The following CYP2C19 variants were observed in gnomAD, a reference collection of about 807,000 sequenced individuals.
The protein encoded by CYP2C19 is cytochrome P450 family 2 subfamily C member 19.
In CYP2C19, 59 loss-of-function variants were observed where a neutral mutation model predicts 40.9. That is an observed-to-expected ratio of 1.44 (90% CI 1.17 to 1.79). The LOEUF is 1.79. CYP2C19 is among the 40% of genes most tolerant of loss of function. CYP2C19 has a pLI of 0.00. For missense variants in CYP2C19, 754 were observed against 596.9 expected (o/e 1.26, Z -2.74); for synonymous variants, 253 against 208.7 (o/e 1.21, Z -1.83).
In CYP2C19 at chr10:94,853,353, G is replaced by A. The variant is rs1002072182; in HGVS notation, c.*439G>A. The A allele has an allele frequency of 2.5e-5, 10 of 399,330 alleles. No individual in the cohort carries two copies. The highest frequency in any genetic ancestry group is 3.6e-4 in the Middle Eastern group (1 of 2,762). The allele number at this position is 399,330 out of a possible 1,614,324, so 24.7% of individuals were successfully genotyped here. A position where few individuals can be genotyped will look rare whatever the true frequency, so the allele number is the denominator to read the frequency against. On this transcript the variant is annotated 3_prime_UTR_variant, in exon 9 of 9. Transcript: ENST00000371321. ...AGGAGGCCATGCTGGTTCTCAAAAC[G>A]ATAAGGACAGAAAGGACAAAGGTGA... is the stretch of plus-strand genomic sequence containing the variant.
intron 2 of CYP2C19, 81 bp downstream of exon 2, chr10:94,775,301 G>T: frequency 1.2e-6 from 2 of 1,612,544 alleles, no homozygotes; most frequent in Admixed American, 1.7e-5. Flanking sequence ...TTCTCGGGCA[G>T]AGCTTGGCCC....
chr10:94,803,920 C>T (rs931087408), intron 5 of CYP2C19, among the ~76,000 whole-genome samples: 2 of 151,978 alleles, frequency 1.3e-5, no homozygotes, highest in Admixed American at 6.6e-5. Context: ...GAGAGGGCCC[C>T]CTTGCACCAT....
chr10:94,799,214 T>G (rs1339871423), intron 5 of CYP2C19, among the ~76,000 whole-genome samples: 4 of 152,162 alleles, frequency 2.6e-5, no homozygotes, highest in Non-Finnish European at 5.9e-5. Context: ...ACAAAATCTC[T>G]CAGCATTTGC....
At chr10:94,802,345 T>C (rs899144484) in intron 5 of CYP2C19, among the ~76,000 whole-genome samples, 4 of 152,282 alleles carry the variant, frequency 2.6e-5, no homozygotes, top group African/African-American at 9.6e-5. Context: ...GTAGTGGCCT[T>C]CTTTGTCTCT....
intron 5 of CYP2C19, among the ~76,000 whole-genome samples, chr10:94,813,384 C>T (rs987683687): frequency 6.6e-6 from 1 of 151,884 alleles, no homozygotes; most frequent in Non-Finnish European, 1.5e-5. Flanking sequence ...CACCCACTGC[C>T]ACCCCTTCTT....
chr10:94,796,522 T>A (rs1018787857), intron 5 of CYP2C19, among the ~76,000 whole-genome samples: 2 of 152,160 alleles, frequency 1.3e-5, no homozygotes, highest in African/African-American at 4.8e-5. Context: ...CTTTTTCCAA[T>A]TCTGTGAAGA....
chr10:94,809,867 T>C (rs891297623), intron 5 of CYP2C19, among the ~76,000 whole-genome samples: 1 of 151,990 alleles, frequency 6.6e-6, no homozygotes, highest in Non-Finnish European at 1.5e-5. Context: ...TGGATTATGT[T>C]TGTGTGTGTT....
At position 94,853,457 on chromosome 10, in the gene CYP2C19, T is replaced by C. The variant is rs1214174295; in HGVS notation, c.*543T>C. ...AGGATTGGATTTGAAAGTGAGAAACTGTGTCCAGGAGCAGCTCCAACCTCT... is the reference window on the plus strand; with the variant it reads ...AGGATTGGATTTGAAAGTGAGAAACCGTGTCCAGGAGCAGCTCCAACCTCT... On this transcript the variant is annotated 3_prime_UTR_variant, in exon 9 of 9. Transcript: ENST00000371321. Among the ~76,000 whole-genome samples the C allele has an allele frequency of 6.6e-6, 1 of 151,978 alleles. No individual in the cohort carries two copies. Among genetic ancestry groups the C allele is most frequent in the African/African-American group, 2.4e-5 (1 of 41,354 alleles).
In CYP2C19 at chr10:94,762,686, A is replaced by C. The variant is rs1848186010; in HGVS notation, c.-20A>C. ...TGGAGTGCAAGCTCACGGTTGTCTT[A>C]ACAAGAGGAGAAGGCTTCAATGGAT... On this transcript the variant is annotated 5_prime_UTR_variant, in exon 1 of 9. Coordinates refer to ENST00000371321, the MANE Select transcript of CYP2C19 (RefSeq NM_000769.4). The C allele has an allele frequency of 6.2e-7, 1 of 1,611,572 alleles. No individual in the cohort carries two copies. Among genetic ancestry groups the C allele is most frequent in the African/African-American group, 1.3e-5 (1 of 74,872 alleles).
chr10:94,839,989 TA>T (rs1298600619), intron 6 of CYP2C19, among the ~76,000 whole-genome samples: 9 of 152,112 alleles, frequency 5.9e-5, no homozygotes, highest in Admixed American at 2.0e-4. Context: ...TGCTTTTTTT[TA>T]TTTTTTTTTG....
At chr10:94,847,454 T>C (rs998914016) in intron 7 of CYP2C19, among the ~76,000 whole-genome samples, 2 of 152,144 alleles carry the variant, frequency 1.3e-5, no homozygotes, top group East Asian at 1.9e-4. Flanking sequence ...ATATGTGCCA[T>C]ATTTTCTTAA....
chr10:94,820,604 C>G lies in CYP2C19; in HGVS notation c.928C>G (p.Leu310Val). The stretch of plus-strand genomic sequence containing the variant: ...AACAAGCACAACCCTGAGATATGCT[C>G]TCCTTCTCCTGCTGAAGCACCCAGA... ...ETTSTTLRYA[L>V]LLLLKHPEVT... Residue 310 changes from leucine (L) to valine (V), a missense_variant, in exon 6 of 9, where the codon CTC becomes GTC. Transcript: ENST00000371321. 1 of 1,614,192 alleles carries G rather than the reference C, an allele frequency of 6.2e-7. No homozygotes were observed. The highest frequency in any genetic ancestry group is 8.5e-7 in the Non-Finnish European group (1 of 1,180,038).
Position 94,842,969 on chromosome 10 carries a change from G to C in CYP2C19, c.1094G>C (p.Ser365Thr), listed in dbSNP as rs1384476546. The stretch of plus-strand genomic sequence containing the variant: ...AGATACATCGACCTCATCCCCACCA[G>C]CCTGCCCCATGCAGTGACCTGTGAC... ...VQRYIDLIPT[S>T]LPHAVTCDVK... The change falls in exon 7 of 9, where the codon AGC (serine) becomes ACC (threonine). Residue 365 changes from serine to threonine, a missense_variant. Transcript: ENST00000371321. 20 of 1,614,064 alleles carry C rather than the reference G, an allele frequency of 1.2e-5. No individual in the cohort carries two copies. The Admixed American group carries it at 3.0e-4, about 24-fold the overall frequency.
Position 94,775,133 on chromosome 10 carries a change from G to A in CYP2C19, c.244G>A (p.Val82Met), listed in dbSNP as rs1175482704. 4 of 1,613,992 alleles carry A rather than the reference G, an allele frequency of 2.5e-6. No homozygotes were observed. Among genetic ancestry groups the A allele is most frequent in the African/African-American group, 2.7e-5 (2 of 74,934 alleles). The change falls in exon 2 of 9, where the codon GTG becomes ATG. Residue 82 changes from valine to methionine, a missense_variant. Val to Met is a conservative substitution (Grantham distance 21). Coordinates refer to ENST00000371321, the MANE Select transcript of CYP2C19 (RefSeq NM_000769.4). The stretch of plus-strand genomic sequence containing the variant: ...CATGGTGGTGCTGCATGGATATGAA[G>A]TGGTGAAGGAAGCCCTGATTGATCT... Reference protein sequence around the residue: ...ERMVVLHGYEVVKEALIDLGE... With the variant: ...ERMVVLHGYEMVKEALIDLGE...
At chr10:94,766,200 C>T (rs1848240459) in intron 1 of CYP2C19, among the ~76,000 whole-genome samples, 1 of 145,976 alleles carries the variant, frequency 6.9e-6, no homozygotes, top group Non-Finnish European at 1.5e-5. Context: ...AGATACAAAG[C>T]CAACAGTCAT....
chr10:94,843,828 T>A (rs1244702985), intron 7 of CYP2C19, among the ~76,000 whole-genome samples: 1 of 152,230 alleles, frequency 6.6e-6, no homozygotes, highest in Non-Finnish European at 1.5e-5. Context: ...GTGGGCATCC[T>A]TGTTTCTCAT....
chr10:94,849,207 G>C (rs1004119431), intron 7 of CYP2C19, among the ~76,000 whole-genome samples: 1 of 152,134 alleles, frequency 6.6e-6, no homozygotes, highest in Admixed American at 6.6e-5. Context: ...TGATGAAATA[G>C]AGCAGCAGGA....
chr10:94,792,044 C>T (rs1848611706), intron 5 of CYP2C19, among the ~76,000 whole-genome samples: 2 of 152,102 alleles, frequency 1.3e-5, no homozygotes, highest in Non-Finnish European at 2.9e-5. Context: ...AATCTGGGTG[C>T]TCCTGTATTG....
chr10:94,829,658 C>G, intron 6 of CYP2C19, among the ~76,000 whole-genome samples: 1 of 152,216 alleles, frequency 6.6e-6, no homozygotes, highest in East Asian at 1.9e-4. Context: ...CTCAGCTCAT[C>G]AAAGTCATTC....
Sources: gnomAD v4.1 joint callset for allele counts (sites outside exome capture counted in the v4.1 genomes callset) on GRCh38, gnomAD v4.1.1 for gene constraint, MANE v1.5 for transcripts, NCBI Gene and HGNC (gene_info 2026-07-23, HGNC 2026-07-21) for gene names.